ATXN2L: variants seen among roughly 807,000 people sequenced by gnomAD.
The protein encoded by ATXN2L is ataxin 2 like.
In ATXN2L, 24 loss-of-function variants were observed where a neutral mutation model predicts 120.7. The observed-to-expected ratio is 0.20, with a 90% confidence interval of 0.14 to 0.28. The LOEUF (loss-of-function observed/expected upper bound fraction) is 0.28, where lower values mean the gene tolerates loss of function less well. ATXN2L is among the 10% of genes least tolerant of loss of function. The pLI, the probability that ATXN2L is intolerant of heterozygous loss-of-function variation, is 1.00. For synonymous variants in ATXN2L, 653 were observed against 568.1 expected (o/e 1.15, Z -2.13); for missense variants, 1,312 against 1,432.3 (o/e 0.92, Z 1.36).
chr16:28,833,906 A>C, intron 15 of ATXN2L, 159 bp from the exon 16 acceptor site: 1 of 826,566 alleles, frequency 1.2e-6, no homozygotes, highest in Non-Finnish European at 1.9e-6. Flanking sequence ...ACTTTAGAAT[A>C]CTCATCTCCT....
At chr16:28,823,967 A>G in intron 1 of ATXN2L, 1 of 382,150 alleles carries the variant, frequency 2.6e-6, no homozygotes, top group Non-Finnish European at 3.6e-6. Flanking sequence ...GGCCGTAGCC[A>G]ATGGAGGGGG....
At chr16:28,831,177 G>T in intron 10 of ATXN2L, 105 bp downstream of exon 10, 1 of 840,140 alleles carries the variant, frequency 1.2e-6, no homozygotes, top group Non-Finnish European at 1.8e-6. Flanking sequence ...TTTTAAGATA[G>T]ATGTTTTGGG....
Position 28,825,824 on chromosome 16 carries a change from A to G in ATXN2L, c.448A>G (p.Lys150Glu). ...TGGTACCACTTATGAGGGTATCTTCAAGACGCTAAGCTCAAAGGTCAGTGT... is the reference window on the plus strand; with the variant it reads ...TGGTACCACTTATGAGGGTATCTTCGAGACGCTAAGCTCAAAGGTCAGTGT... The part of the protein sequence containing the change: ...KNGTTYEGIF[K>E]TLSSKFELAV... Residue 150 changes from lysine (K) to glutamate (E), a missense_variant, in exon 4 of 22, where the codon AAG becomes GAG. Coordinates refer to ENST00000336783, the MANE Select transcript of ATXN2L (RefSeq NM_007245.4). 6.2e-7 allele frequency: 1 copy of G among 1,613,844 alleles called. No homozygotes were observed. Among genetic ancestry groups the G allele is most frequent in the Non-Finnish European group, 8.5e-7 (1 of 1,179,722 alleles).
chr16:28,827,298 G>A (rs1468607973), intron 6 of ATXN2L, among the ~76,000 whole-genome samples: 2 of 152,096 alleles, frequency 1.3e-5, no homozygotes, highest in African/African-American at 2.4e-5. Flanking sequence ...TCAAGGTTTG[G>A]TGGCATGTAC....
In ATXN2L at chr16:28,823,328, G is replaced by A. The variant is rs1280672263; in HGVS notation, c.69G>A (p.Val23=). 1 of 1,406,056 alleles carries A rather than the reference G, an allele frequency of 7.1e-7. No individual in the cohort carries two copies. The highest frequency in any genetic ancestry group is 2.8e-5 in the East Asian group (1 of 35,960). The allele number at this position is 1,406,056 out of a possible 1,614,324, so 87.1% of individuals were successfully genotyped here. ...AGCCGCCCCCCACGCAACAGGCCGT[G>A]GCCCGTCGGCCCCCCGGGGGCACCA... ...PQQPPPTQQA[V]ARRPPGGTSP... Residue 23 remains valine (V), a synonymous_variant, in exon 1 of 22, where the codon GTG becomes GTA. Transcript: ENST00000336783.
chr16:28,834,863 C>T, intron 18 of ATXN2L, 170 bp downstream of exon 18: 15 of 1,143,430 alleles, frequency 1.3e-5, no homozygotes, highest in South Asian at 1.6e-5. Flanking sequence ...TCTGGTGGTA[C>T]CTGTAACAAG....
rs1340850948 is a variant in ATXN2L, at chr16:28,832,219, C to T, written c.1336C>T (p.Pro446Ser). The T allele has an allele frequency of 1.9e-6, 3 of 1,613,966 alleles. No homozygotes were observed. Among genetic ancestry groups the T allele is most frequent in the African/African-American group, 1.3e-5 (1 of 74,892 alleles). ...TTTTCTTCCAGTGGGCCGGATGTAT[C>T]CCCCGCGTTCTCCCAAGTCTGCTGC... is the stretch of plus-strand genomic sequence containing the variant. ...PPPPAVGRMY[P>S]PRSPKSAAPA... is the part of the protein sequence containing the mutation. The change falls in exon 11 of 22, where the codon CCC (proline) becomes TCC (serine). Residue 446 changes from proline to serine, a missense_variant. Transcript: ENST00000336783.
intron 6 of ATXN2L, among the ~76,000 whole-genome samples, chr16:28,828,847 C>G (rs1012101540): frequency 6.6e-6 from 1 of 152,056 alleles, no homozygotes; most frequent in African/African-American, 2.4e-5. Flanking sequence ...CCTCTGCCTC[C>G]CAGGTTCAAG....
chr16:28,837,050 A>G lies in ATXN2L; in HGVS notation c.*785A>G, dbSNP rs1321561953. On this transcript the variant is annotated 3_prime_UTR_variant, in exon 22 of 22. Transcript: ENST00000336783. ...TCTATTCCCCCGCTGGAGACGGAAG[A>G]TCTTTTATTTTCTATTATTTATAAC... 6.2e-6 allele frequency: 4 copies of G among 640,178 alleles called. No homozygotes were observed. Among genetic ancestry groups the G allele is most frequent in the South Asian group, 4.6e-5 (3 of 65,692 alleles). The allele number at this position is 640,178 out of a possible 1,614,324, so 39.7% of individuals were successfully genotyped here.
At chr16:28,827,161 C>T (rs780075298) in intron 6 of ATXN2L, among the ~76,000 whole-genome samples, 175 bp downstream of exon 6, 1 of 152,200 alleles carries the variant, frequency 6.6e-6, no homozygotes, top group Non-Finnish European at 1.5e-5. Context: ...TAGCTGGGTG[C>T]AGTGGCTCAT....
In ATXN2L at chr16:28,825,349, C is replaced by A; in HGVS notation, c.300-17C>A. On this transcript the variant is annotated splice_polypyrimidine_tract_variant and intron_variant, in intron 1 of 21. Transcript: ENST00000336783. ...GGGCTTGAACAGACTTAAGTAATTT[C>A]TTGTTTTCTTTTATAGGGGACAGAG... 6.2e-7 allele frequency: 1 copy of A among 1,613,592 alleles called. No homozygotes were observed. Among genetic ancestry groups the A allele is most frequent in the South Asian group, 1.1e-5 (1 of 91,058 alleles).
intron 6 of ATXN2L, among the ~76,000 whole-genome samples, chr16:28,828,077 A>G (rs1249682859): frequency 1.3e-5 from 2 of 152,206 alleles, no homozygotes; most frequent in Non-Finnish European, 2.9e-5. Flanking sequence ...ACACGTGTAC[A>G]CAGCAAATTG....
chr16:28,834,340 C>T lies in ATXN2L; in HGVS notation c.2173-3C>T, dbSNP rs1313470401. 1 of 1,613,860 alleles carries T rather than the reference C, an allele frequency of 6.2e-7. No homozygotes were observed. The highest frequency in any genetic ancestry group is 8.5e-7 in the Non-Finnish European group (1 of 1,179,738). On this transcript the variant is annotated splice_region_variant and splice_polypyrimidine_tract_variant and intron_variant, in intron 16 of 21. Transcript: ENST00000336783. Reference sequence around the variant, plus strand: ...TCAGCCTCATCTGTGTCCTCATCCCCAGGCACCTCAGATGTATCCATATCC... The same window carrying T: ...TCAGCCTCATCTGTGTCCTCATCCCTAGGCACCTCAGATGTATCCATATCC...
Position 28,836,635 on chromosome 16 carries a change from C to T in ATXN2L, c.*370C>T, listed in dbSNP as rs1215775485. On this transcript the variant is annotated 3_prime_UTR_variant, in exon 22 of 22. Coordinates refer to ENST00000336783, the MANE Select transcript of ATXN2L (RefSeq NM_007245.4). ...CTTGAGGAGGCCGCTCCTTCCCAGA[C>T]ACACCCCCACGCCCCCACTGGACGG... The T allele has an allele frequency of 3.7e-6, 6 of 1,608,230 alleles. No homozygotes were observed. Among genetic ancestry groups the T allele is most frequent in the Non-Finnish European group, 5.1e-6 (6 of 1,178,348 alleles).
Position 28,836,473 on chromosome 16 carries a change from T to C in ATXN2L, c.*208T>C, listed in dbSNP as rs1323418920. On this transcript the variant is annotated 3_prime_UTR_variant, in exon 22 of 22. Coordinates refer to ENST00000336783, the MANE Select transcript of ATXN2L (RefSeq NM_007245.4). ...GCTCTCAGTGACCCCGACTGTCTCC[T>C]GACTTAGCCGAGGTAAGGTCAGTGC... 2 of 1,611,240 alleles carry C rather than the reference T, an allele frequency of 1.2e-6. No homozygotes were observed. Among genetic ancestry groups the C allele is most frequent in the South Asian group, 1.1e-5 (1 of 90,756 alleles).
At chr16:28,830,565 C>G (rs370568306) in intron 8 of ATXN2L, 50 bp from the exon 9 acceptor site, 1 of 1,502,998 alleles carries the variant, frequency 6.7e-7, no homozygotes, top group Non-Finnish European at 8.9e-7. Context: ...TTCATCTTTC[C>G]AAAACGTGGG....
chr16:28,825,854 A>G lies in ATXN2L; in HGVS notation c.465+13A>G. The G allele has an allele frequency of 6.2e-7, 1 of 1,608,152 alleles. No individual in the cohort carries two copies. The highest frequency in any genetic ancestry group is 1.1e-5 in the South Asian group (1 of 90,902). On this transcript the variant is annotated intron_variant, in intron 4 of 21. Coordinates refer to ENST00000336783, the MANE Select transcript of ATXN2L (RefSeq NM_007245.4). ...GCTAAGCTCAAAGGTCAGTGTACTC[A>G]AATTTAATTATTTTTGGAGTTGCAG...
intron 11 of ATXN2L, 41 bp from the exon 12 acceptor site, chr16:28,832,455 T>C (rs1219241498): frequency 9.3e-6 from 15 of 1,612,730 alleles, no homozygotes; most frequent in Non-Finnish European, 1.3e-5. Context: ...TTTGTGGTTC[T>C]GGACAGAAGG....
At position 28,831,022 on chromosome 16, in the gene ATXN2L, C is replaced by T. The variant is rs763379472; in HGVS notation, c.1271C>T (p.Ser424Leu). The T allele has an allele frequency of 6.2e-6, 10 of 1,611,522 alleles. No individual in the cohort carries two copies. Among genetic ancestry groups the T allele is most frequent in the African/African-American group, 2.7e-5 (2 of 74,718 alleles). Reference protein sequence around the residue: ...RPLRGAKTLSSPSNRPSGETS... With the variant: ...RPLRGAKTLSLPSNRPSGETS... ...CTGAGAGGTGCCAAGACTCTGTCTTCGCCCAGTAATAGGCCTTCTGGAGAA... is the reference window on the plus strand; with the variant it reads ...CTGAGAGGTGCCAAGACTCTGTCTTTGCCCAGTAATAGGCCTTCTGGAGAA... The change falls in exon 10 of 22, where the codon TCG becomes TTG. Residue 424 changes from serine to leucine, a missense_variant. Ser to Leu is a moderately radical substitution (Grantham distance 145). Transcript: ENST00000336783.
Sources: allele counts gnomAD v4.1 joint callset (sites outside exome capture counted in the v4.1 genomes callset), GRCh38; gene constraint gnomAD v4.1.1; transcripts MANE v1.5; gene names NCBI Gene and HGNC (gene_info 2026-07-23, HGNC 2026-07-21).